SIN3B: variants seen among roughly 807,000 people sequenced by gnomAD.
The protein encoded by SIN3B is SIN3 transcription regulator family member B.
SIN3B carries 19 observed loss-of-function variants against 120.2 expected under a neutral mutation model. That is an observed-to-expected ratio of 0.16 (90% CI 0.11 to 0.23). The LOEUF (loss-of-function observed/expected upper bound fraction) is 0.23. SIN3B is among the 10% of genes least tolerant of loss of function. SIN3B has a pLI of 1.00. For missense variants in SIN3B, 1,073 were observed against 1,573.0 expected, an observed-to-expected ratio of 0.68 and a Z score of 5.38; for synonymous variants, 654 against 653.2, an observed-to-expected ratio of 1.00 and a Z score of -0.02.
At chr19:16,837,937 C>T (rs556486958) in intron 3 of SIN3B, among the ~76,000 whole-genome samples, 3 of 152,072 alleles carry the variant, frequency 2.0e-5, no homozygotes, top group East Asian at 1.9e-4. Context: ...AGTACCCAGG[C>T]GGGGCTGTGT....
At chr19:16,872,366 C>T (rs1380627234) in intron 14 of SIN3B, 3 of 152,066 alleles carry the variant, frequency 2.0e-5, no homozygotes, top group African/African-American at 7.2e-5. Flanking sequence ...TTTTCATCAA[C>T]AGAACCCCTG....
Position 16,871,314 on chromosome 19 carries a change from C to T in SIN3B, c.2508C>T (p.Tyr836=), listed in dbSNP as rs758912555. The T allele has an allele frequency of 1.8e-5, 29 of 1,613,940 alleles. No individual in the cohort carries two copies. The Admixed American group carries it at 3.5e-4, about 19-fold the overall frequency. ...AGGGCAGCATCGACCCCACGCAGTA[C>T]GAGGACACCCTACGCGAGATGTTCA... ...LLEGSIDPTQ[Y]EDTLREMFTI... Residue 836 remains tyrosine, a synonymous_variant, in exon 14 of 19, where the codon TAC becomes TAT. Transcript: ENST00000248054.
chr19:16,831,506 T>C lies in SIN3B; in HGVS notation c.240T>C (p.Pro80=). The C allele has an allele frequency of 6.2e-7, 1 of 1,614,094 alleles. No homozygotes were observed. Among genetic ancestry groups the C allele is most frequent in the Non-Finnish European group, 8.5e-7 (1 of 1,179,934 alleles). Reference sequence around the variant, plus strand: ...TTGTTTCTTCTAGCATCGATACTCCTGGAGTCATCAGACGTGTCTCGCAGC... The same window carrying C: ...TTGTTTCTTCTAGCATCGATACTCCCGGAGTCATCAGACGTGTCTCGCAGC... The part of the protein sequence containing the change: ...KEFKSQSIDT[P]GVIRRVSQLF... The change falls in exon 3 of 19, where the codon CCT becomes CCC. Residue 80 remains proline (P), a synonymous_variant. Coordinates refer to ENST00000248054, the MANE Select transcript of SIN3B (RefSeq NM_001297595.2).
At position 16,841,846 on chromosome 19, in the gene SIN3B, C is replaced by G. The variant is rs748849746; in HGVS notation, c.460C>G (p.Pro154Ala). 4.3e-6 allele frequency: 7 copies of G among 1,614,050 alleles called. No individual in the cohort carries two copies. The highest frequency in any genetic ancestry group is 5.9e-6 in the Non-Finnish European group (7 of 1,180,012). Residue 154 changes from proline (P) to alanine (A), a missense_variant, in exon 4 of 19, where the codon CCC (proline) becomes GCC (alanine). Physicochemically the swap from Pro to Ala is conservative, Grantham distance 27. This residue lies in a region of SIN3B where 395 missense variants were observed against 528.0 expected (regional missense o/e 0.75). Transcript: ENST00000248054. ...GTATAAAGAGGACAAACCCCAGGTG[C>G]CCCTGGAGTCCGATTCCGTGGAATT... ...VPYKEDKPQV[P>A]LESDSVEFNN... is the part of the protein sequence containing the mutation.
intron 4 of SIN3B, among the ~76,000 whole-genome samples, chr19:16,842,540 G>C (rs1971431435): frequency 2.0e-4 from 30 of 151,986 alleles, no homozygotes; most frequent in Admixed American, 2.0e-3. Context: ...CCAAGTAGCT[G>C]GGAGTACAGG....
chr19:16,829,902 C>T lies in SIN3B; in HGVS notation c.227+5C>T. ...GAAGGAGTTCAAAAGCCAGAGGTAC[C>T]AGCGGGGCCCCTCTCCACCTCAGGG... is the stretch of plus-strand genomic sequence containing the variant. On this transcript the variant is annotated splice_donor_5th_base_variant and intron_variant, in intron 2 of 18. Coordinates refer to ENST00000248054, the MANE Select transcript of SIN3B (RefSeq NM_001297595.2). The T allele has an allele frequency of 1.2e-6, 2 of 1,607,542 alleles. No individual in the cohort carries two copies. Among genetic ancestry groups the T allele is most frequent in the Non-Finnish European group, 1.7e-6 (2 of 1,174,426 alleles).
chr19:16,863,904 G>A (rs1258967916), intron 10 of SIN3B, 108 bp downstream of exon 10: 1 of 764,548 alleles, frequency 1.3e-6, no homozygotes, highest in Non-Finnish European at 2.2e-6. Context: ...TGGAGGAGCA[G>A]GAATTGCAGC....
At chr19:16,859,978 G>T (rs1380193809) in intron 8 of SIN3B, among the ~76,000 whole-genome samples, 1 of 152,202 alleles carries the variant, frequency 6.6e-6, no homozygotes, top group African/African-American at 2.4e-5. Flanking sequence ...TTATCAGGAG[G>T]TTAGAGGGGA....
intron 3 of SIN3B, among the ~76,000 whole-genome samples, chr19:16,839,603 A>T (rs1345985070): frequency 6.6e-6 from 1 of 151,950 alleles, no homozygotes; most frequent in African/African-American, 2.4e-5. Context: ...TTCCCTACAT[A>T]CCCACACCCT....
At chr19:16,842,081 A>C in intron 4 of SIN3B, 113 bp downstream of exon 4, 1 of 964,772 alleles carries the variant, frequency 1.0e-6, no homozygotes. Context: ...AATTCTAATT[A>C]GTTGTGGGGT....
intron 3 of SIN3B, among the ~76,000 whole-genome samples, chr19:16,833,070 TC>T (rs368982136): frequency 4.0e-4 from 61 of 152,222 alleles, no homozygotes; most frequent in African/African-American, 1.4e-3. Flanking sequence ...GCCAGGTGTC[TC>T]CCTGGGGGGC....
At chr19:16,860,874 T>C (rs1335242586) in intron 8 of SIN3B, among the ~76,000 whole-genome samples, 2 of 152,086 alleles carry the variant, frequency 1.3e-5, no homozygotes, top group African/African-American at 4.8e-5. Flanking sequence ...ATTACAAGCA[T>C]GAGCCACTGC....
At chr19:16,873,607 G>A (rs1186768539) in intron 14 of SIN3B, among the ~76,000 whole-genome samples, 1 of 147,650 alleles carries the variant, frequency 6.8e-6, no homozygotes, top group Non-Finnish European at 1.5e-5. Flanking sequence ...GATTGGACCA[G>A]ATGGTTTATG....
In SIN3B at chr19:16,842,802, G is replaced by A. The variant is rs143294104; in HGVS notation, c.582+834G>A. On this transcript the variant is annotated intron_variant, in intron 4 of 18. Coordinates refer to ENST00000248054, the MANE Select transcript of SIN3B (RefSeq NM_001297595.2). ...TCAGGGTTAATATGATTCCCAGCCC[G>A]GTTCCCAACCCGTCCGGGGCCAGGG... Among the ~76,000 whole-genome samples the A allele has an allele frequency of 4.4e-3, 663 of 152,280 alleles. 19 individuals carry two copies. Among genetic ancestry groups the A allele is most frequent in the Admixed American group, 0.041 (632 of 15,298 alleles).
At chr19:16,877,473 C>CA (rs2144635426) in intron 16 of SIN3B, 72 bp from the exon 17 acceptor site, 6 of 1,159,284 alleles carry the variant, frequency 5.2e-6, no homozygotes, top group South Asian at 1.3e-5. Flanking sequence ...CTCCTGAACT[C>CA]AGAGTCCAGA....
intron 3 of SIN3B, among the ~76,000 whole-genome samples, chr19:16,833,231 G>T (rs572394978): frequency 1.3e-5 from 2 of 152,204 alleles, no homozygotes; most frequent in Non-Finnish European, 1.5e-5. Context: ...ATGATAGAGC[G>T]TCCAATCAAT....
chr19:16,848,066 C>T lies in SIN3B; in HGVS notation c.726+953C>T, dbSNP rs1036828784. On this transcript the variant is annotated intron_variant, in intron 5 of 18. Coordinates refer to ENST00000248054, the MANE Select transcript of SIN3B (RefSeq NM_001297595.2). ...TCATGTTTTCAAGGTTTATCCATGT[C>T]GTACCGTGGATCAGTGCTCATTCCT... 4.6e-5 allele frequency among the ~76,000 whole-genome samples: 7 copies of T among 152,178 alleles called. 1 individual carries two copies. The South Asian group carries it at 6.2e-4, about 13-fold the overall frequency.
rs917602369 is a variant in SIN3B, at chr19:16,878,066, G to A, written c.2955-117G>A. ...TTGTTGCTTCCATTTGCTTTCTGTG[G>A]ACCCCTGGGAGGTAGCACATCTTCT... On this transcript the variant is annotated intron_variant, in intron 17 of 18. Transcript: ENST00000248054. The A allele has an allele frequency of 1.2e-5, 10 of 827,160 alleles. No individual in the cohort carries two copies. The African/African-American group carries it at 1.4e-4, about 11-fold the overall frequency. 51.2% of individuals were successfully genotyped at this position (827,160 alleles called of 1,614,324 possible). A position where few individuals can be genotyped will look rare whatever the true frequency, so the allele number is the denominator to read the frequency against.
chr19:16,876,426 C>T lies in SIN3B; in HGVS notation c.2767-60C>T, dbSNP rs1568428553. On this transcript the variant is annotated intron_variant, in intron 15 of 18. Coordinates refer to ENST00000248054, the MANE Select transcript of SIN3B (RefSeq NM_001297595.2). This position sits in a 1 kb window ranked among gnomAD's most constrained non-coding sequence, Gnocchi z 7.1. ...GCGGGAGGCGGGTGGCCTTGCGAGCCTGCGCTGTGCCGGCTGGGCTGTGCC... is the reference window on the plus strand; with the variant it reads ...GCGGGAGGCGGGTGGCCTTGCGAGCTTGCGCTGTGCCGGCTGGGCTGTGCC... The T allele has an allele frequency of 1.9e-6, 3 of 1,571,068 alleles. No homozygotes were observed. Among genetic ancestry groups the T allele is most frequent in the Non-Finnish European group, 2.6e-6 (3 of 1,146,860 alleles).
Sources: allele counts gnomAD v4.1 joint callset (sites outside exome capture counted in the v4.1 genomes callset), GRCh38; gene constraint gnomAD v4.1.1; regional missense constraint gnomAD v4.1.1; non-coding constraint Gnocchi (gnomAD v3.1); transcripts MANE v1.5; gene names NCBI Gene and HGNC (gene_info 2026-07-23, HGNC 2026-07-21).